The following HELB variants were observed in gnomAD, a reference collection of about 807,000 sequenced individuals.
The protein encoded by HELB is DNA helicase B, also known as DNA 5'-3' helicase B.
HELB carries 96 observed loss-of-function variants against 101.7 expected under a neutral mutation model. The ratio of observed to expected loss-of-function variants is 0.94; its 90% confidence interval spans 0.80 to 1.12. The LOEUF (loss-of-function observed/expected upper bound fraction) is 1.12, where lower values mean the gene tolerates loss of function less well. Ranked by LOEUF, HELB falls within the 50% of genes most tolerant of loss-of-function variation. The pLI is 0.00. For missense variants in HELB, 1,210 were observed against 1,291.9 expected, an observed-to-expected ratio of 0.94 and a Z score of 0.97; for synonymous variants, 437 against 459.7, an observed-to-expected ratio of 0.95 and a Z score of 0.63.
At chr12:66,329,738 A>T (rs1416358215) in intron 11 of HELB, among the ~76,000 whole-genome samples, 1 of 152,172 alleles carries the variant, frequency 6.6e-6, no homozygotes, top group Non-Finnish European at 1.5e-5. Flanking sequence ...ACCATTAAGT[A>T]TTAATAATAG....
chr12:66,329,892 A>C (rs991422372), intron 11 of HELB, among the ~76,000 whole-genome samples: 2 of 152,202 alleles, frequency 1.3e-5, no homozygotes, highest in African/African-American at 2.4e-5. Flanking sequence ...ATCTGTGGAA[A>C]TGTATGTAAT....
At chr12:66,343,429 C>T (rs2053931545) in intron 13 of HELB, 1 of 152,182 alleles carries the variant, frequency 6.6e-6, no homozygotes, top group African/African-American at 2.4e-5. Flanking sequence ...CACCACCTCA[C>T]CTGGCTAACT....
At chr12:66,308,323 C>T (rs1404409713) in intron 3 of HELB, among the ~76,000 whole-genome samples, 1 of 152,144 alleles carries the variant, frequency 6.6e-6, no homozygotes, top group Admixed American at 6.5e-5. Context: ...GAACAGTCCC[C>T]TCCCTCCCGC....
intron 12 of HELB, among the ~76,000 whole-genome samples, chr12:66,334,422 G>A (rs118099772): frequency 0.013 from 1,929 of 144,960 alleles, 101 homozygotes; most frequent in Admixed American, 0.092. Context: ...TGATTGTGAC[G>A]TCCCATTCCA....
In HELB at chr12:66,322,033, AAG is replaced by A; in HGVS notation, c.2237+5_2237+6del. On this transcript the variant is annotated splice_donor_5th_base_variant and intron_variant, in intron 8 of 12. Coordinates refer to ENST00000247815, the MANE Select transcript of HELB (RefSeq NM_001370285.1). ...CACAATTTATTGCATTTAGAAGGTA[AAG>A]CATTTATAATATTTTAATGTTTTTA... is the stretch of plus-strand genomic sequence containing the variant. The A allele has an allele frequency of 2.0e-6, 2 of 1,021,262 alleles. No individual in the cohort carries two copies. The highest frequency in any genetic ancestry group is 2.9e-6 in the Non-Finnish European group (2 of 682,572). 63.3% of individuals were successfully genotyped at this position (1,021,262 alleles called of 1,614,324 possible). A position where few individuals can be genotyped will look rare whatever the true frequency, so the allele number is the denominator to read the frequency against.
chr12:66,329,957 A>G (rs940514435), intron 11 of HELB, among the ~76,000 whole-genome samples: 4 of 152,230 alleles, frequency 2.6e-5, no homozygotes, highest in Admixed American at 2.0e-4. Context: ...AGATGTATTT[A>G]TCAAACTTTT....
At chr12:66,308,392 T>C (rs921800171) in intron 3 of HELB, among the ~76,000 whole-genome samples, 1 of 152,184 alleles carries the variant, frequency 6.6e-6, no homozygotes, top group African/African-American at 2.4e-5. Flanking sequence ...AGAAGAATCA[T>C]ACGTGGAGAT....
At chr12:66,330,873 A>T (rs559078555) in intron 11 of HELB, among the ~76,000 whole-genome samples, 1 of 152,176 alleles carries the variant, frequency 6.6e-6, no homozygotes, top group South Asian at 2.1e-4. Context: ...GTCTTTTATT[A>T]GGAAAGGTTT....
At chr12:66,335,425 G>A (rs2053856261) in intron 12 of HELB, among the ~76,000 whole-genome samples, 1 of 152,140 alleles carries the variant, frequency 6.6e-6, no homozygotes, top group Non-Finnish European at 1.5e-5. Context: ...GCTGTGGGGA[G>A]GGAATAAAAG....
intron 5 of HELB, among the ~76,000 whole-genome samples, chr12:66,314,727 G>C (rs12228262): frequency 0.089 from 13,567 of 152,018 alleles, 1,557 homozygotes; most frequent in African/African-American, 0.26. Context: ...GCAGTTGATT[G>C]TATTAATGGC....
intron 4 of HELB, among the ~76,000 whole-genome samples, chr12:66,312,839 C>T (rs2053559893): frequency 6.6e-6 from 1 of 152,080 alleles, no homozygotes; most frequent in South Asian, 2.1e-4. Flanking sequence ...CATTGACTTG[C>T]TTATACTAAA....
At chr12:66,317,422 A>G (rs1384966169) in intron 6 of HELB, among the ~76,000 whole-genome samples, 4 of 152,216 alleles carry the variant, frequency 2.6e-5, no homozygotes, top group African/African-American at 7.2e-5. Context: ...ATATTAAGAC[A>G]TTAAGAAAAC....
At chr12:66,305,446 A>T (rs2053463506) in intron 2 of HELB, among the ~76,000 whole-genome samples, 1 of 152,218 alleles carries the variant, frequency 6.6e-6, no homozygotes, top group South Asian at 2.1e-4. Flanking sequence ...TTAATAAAAA[A>T]AAATTCAGTT....
At position 66,302,710 on chromosome 12, in the gene HELB, A is replaced by C; in HGVS notation, c.107A>C (p.Asp36Ala). The change falls in exon 1 of 13, where the codon GAT becomes GCT. Residue 36 changes from aspartate to alanine, a missense_variant. This residue lies in a region of HELB where 470 missense variants were observed against 563.1 expected (regional missense o/e 0.83). Transcript: ENST00000247815. The part of the protein sequence containing the change: ...DDYLNDDVEE[D>A]EESVFIDAEE... ...TACCTAAACGACGACGTGGAGGAGG[A>C]TGAAGAGTCCGTGTTCATCGACGCC... 6.2e-7 allele frequency: 1 copy of C among 1,614,110 alleles called. No homozygotes were observed. The highest frequency in any genetic ancestry group is 8.5e-7 in the Non-Finnish European group (1 of 1,180,002).
chr12:66,331,689 G>A (rs764570192), intron 12 of HELB, 44 bp downstream of exon 12: 118 of 1,532,372 alleles, frequency 7.7e-5, no homozygotes, highest in East Asian at 1.3e-4. Context: ...TTTAAATATC[G>A]CTAACTTCGG....
At chr12:66,330,782 CTACT>C (rs1471902915) in intron 11 of HELB, among the ~76,000 whole-genome samples, 8 of 150,528 alleles carry the variant, frequency 5.3e-5, no homozygotes, top group African/African-American at 1.7e-4. Context: ...CTATTACTGG[CTACT>C]TAAAGTTTTC....
In HELB at chr12:66,309,884, C is replaced by T. The variant is rs2053520082; in HGVS notation, c.956C>T (p.Thr319Ile). The T allele has an allele frequency of 1.2e-6, 2 of 1,614,112 alleles. No homozygotes were observed. Among genetic ancestry groups the T allele is most frequent in the African/African-American group, 1.3e-5 (1 of 75,046 alleles). ...GHTYVEVNDL[T>I]LTLSNHMSFH... ...ACATATGTTGAAGTGAATGACTTAACTTTGACATTGTCAAATCATATGTCA... is the reference window on the plus strand; with the variant it reads ...ACATATGTTGAAGTGAATGACTTAATTTTGACATTGTCAAATCATATGTCA... The change falls in exon 4 of 13, where the codon ACT becomes ATT. Residue 319 changes from threonine (T) to isoleucine (I), a missense_variant. By Grantham distance (89) the Thr-to-Ile change is moderately conservative (BLOSUM62 -1). Transcript: ENST00000247815.
chr12:66,325,177 C>A, intron 11 of HELB, 51 bp downstream of exon 11: 1 of 1,316,274 alleles, frequency 7.6e-7, no homozygotes, highest in Non-Finnish European at 1.1e-6. Flanking sequence ...AACCTTAGAG[C>A]GCCTTGCATT....
Position 66,328,455 on chromosome 12 carries a change from C to T in HELB, c.2671-2699C>T, listed in dbSNP as rs1054434746. Among the ~76,000 whole-genome samples, 13 of 152,024 alleles carry T rather than the reference C, an allele frequency of 8.6e-5. No individual in the cohort carries two copies. In the East Asian group the frequency reaches 2.1e-3, roughly 25 times the overall value. On this transcript the variant is annotated intron_variant, in intron 11 of 12. Transcript: ENST00000247815. ...GCATGCACCCATGGTCCCAGCTACT[C>T]GGGGGTCTGAGGTGGGAGGATTTCC... is the stretch of plus-strand genomic sequence containing the variant.
Sources: gnomAD v4.1 joint callset for allele counts (sites outside exome capture counted in the v4.1 genomes callset) on GRCh38, gnomAD v4.1.1 for gene constraint, gnomAD v4.1.1 regional missense constraint, MANE v1.5 for transcripts, NCBI Gene and HGNC (gene_info 2026-07-23, HGNC 2026-07-21) for gene names.